EBF2: variants seen among roughly 807,000 people sequenced by gnomAD.
EBF2 encodes the protein transcription factor COE2.
EBF2 carries 21 observed loss-of-function variants against 72.8 expected under a neutral mutation model. That is an observed-to-expected ratio of 0.29 (90% CI 0.20 to 0.42). The LOEUF (loss-of-function observed/expected upper bound fraction) is 0.42. Among genes scored for constraint, EBF2 ranks in the 10% least tolerant of loss-of-function variants. The pLI is 1.00. For missense variants in EBF2, 637 were observed against 731.2 expected, an observed-to-expected ratio of 0.87 and a Z score of 1.49; for synonymous variants, 299 against 274.2, an observed-to-expected ratio of 1.09 and a Z score of -0.89.
intron 6 of EBF2, among the ~76,000 whole-genome samples, chr8:25,952,667 C>T (rs1416116073): frequency 6.6e-6 from 1 of 152,176 alleles, no homozygotes; most frequent in East Asian, 1.9e-4. Flanking sequence ...AGATATCCTC[C>T]CCAATCAGCC....
At chr8:26,028,413 T>C (rs1585233445) in intron 6 of EBF2, among the ~76,000 whole-genome samples, 1 of 152,354 alleles carries the variant, frequency 6.6e-6, no homozygotes, top group East Asian at 1.9e-4. Context: ...ATTTATTTAC[T>C]AGAAAATACC....
At chr8:25,985,812 C>T (rs1488765169) in intron 6 of EBF2, among the ~76,000 whole-genome samples, 6 of 151,746 alleles carry the variant, frequency 4.0e-5, no homozygotes, top group South Asian at 2.1e-4. Context: ...CCAGCCTTGA[C>T]AACACAGAGA....
chr8:25,916,417 G>A (rs1415481922), intron 6 of EBF2, among the ~76,000 whole-genome samples: 1 of 152,020 alleles, frequency 6.6e-6, no homozygotes, highest in African/African-American at 2.4e-5. Context: ...TACAAAGTAA[G>A]TCTGCTTCTT....
intron 6 of EBF2, among the ~76,000 whole-genome samples, chr8:25,929,745 G>T (rs1449467251): frequency 2.6e-5 from 4 of 152,260 alleles, no homozygotes; most frequent in African/African-American, 9.6e-5. Flanking sequence ...TCCTGGTTGA[G>T]TCTTCACAGT....
At chr8:25,907,764 C>T (rs1264590834) in intron 7 of EBF2, among the ~76,000 whole-genome samples, 2 of 152,190 alleles carry the variant, frequency 1.3e-5, no homozygotes, top group African/African-American at 4.8e-5. Flanking sequence ...GGAGGTGCCA[C>T]ATCTAGAACG....
chr8:25,860,068 C>CTCT (rs1802184905), intron 13 of EBF2, among the ~76,000 whole-genome samples: 1 of 152,008 alleles, frequency 6.6e-6, no homozygotes, highest in African/African-American at 2.4e-5. Flanking sequence ...ATGAGGAATT[C>CTCT]TCTTCCAACA....
intron 10 of EBF2, among the ~76,000 whole-genome samples, chr8:25,865,013 G>A (rs1171924372): frequency 6.6e-6 from 1 of 151,972 alleles, no homozygotes. Context: ...ATGTTGATCA[G>A]GTTGGTCCCG....
intron 6 of EBF2, among the ~76,000 whole-genome samples, chr8:25,928,540 A>G (rs1216564057): frequency 6.6e-6 from 1 of 152,152 alleles, no homozygotes. Context: ...GTACCATGTG[A>G]TCAATTACTG....
At chr8:25,894,086 G>A (rs1313583090) in intron 7 of EBF2, among the ~76,000 whole-genome samples, 3 of 152,184 alleles carry the variant, frequency 2.0e-5, no homozygotes, top group African/African-American at 7.2e-5. Flanking sequence ...GTAGCTGGAA[G>A]AGCCTGCCAA....
intron 10 of EBF2, among the ~76,000 whole-genome samples, chr8:25,870,961 A>G (rs946242737): frequency 6.6e-6 from 1 of 152,148 alleles, no homozygotes; most frequent in South Asian, 2.1e-4. Flanking sequence ...ACAGAATTTC[A>G]TTTAATCAAG....
intron 5 of EBF2, among the ~76,000 whole-genome samples, chr8:26,033,561 G>A (rs1805444179): frequency 6.6e-6 from 1 of 152,106 alleles, no homozygotes; most frequent in Non-Finnish European, 1.5e-5. Context: ...AATCTGTCTT[G>A]GAGGGAAACA....
intron 6 of EBF2, among the ~76,000 whole-genome samples, chr8:25,934,224 TAC>T (rs71216403): frequency 0.14 from 18,454 of 136,382 alleles, 1,120 homozygotes; most frequent in Middle Eastern, 0.18. Context: ...TTCATGTGCA[TAC>T]ACACACACAC....
intron 6 of EBF2, among the ~76,000 whole-genome samples, chr8:25,943,502 C>T (rs1483938887): frequency 6.6e-6 from 1 of 151,840 alleles, no homozygotes; most frequent in Non-Finnish European, 1.5e-5. Context: ...AGAGCTAGAC[C>T]CTGTCTCTCA....
At chr8:26,008,377 CAGCTGGGA>C (rs1804916258) in intron 6 of EBF2, among the ~76,000 whole-genome samples, 1 of 152,156 alleles carries the variant, frequency 6.6e-6, no homozygotes, top group Non-Finnish European at 1.5e-5. Context: ...TGAGAAGCCT[CAGCTGGGA>C]AGGACCTGGT....
At chr8:26,019,267 C>T (rs1185761985) in intron 6 of EBF2, among the ~76,000 whole-genome samples, 1 of 150,914 alleles carries the variant, frequency 6.6e-6, no homozygotes, top group Non-Finnish European at 1.5e-5. Flanking sequence ...TAATTTTGCT[C>T]AGCTGGTTCC....
At chr8:25,940,668 T>C (rs947182481) in intron 6 of EBF2, among the ~76,000 whole-genome samples, 1 of 151,326 alleles carries the variant, frequency 6.6e-6, no homozygotes, top group Non-Finnish European at 1.5e-5. Flanking sequence ...CTTGGAGCAG[T>C]CATCTTCTTA....
At chr8:25,914,477 C>A (rs117105043) in intron 6 of EBF2, among the ~76,000 whole-genome samples, 2,288 of 152,190 alleles carry the variant, frequency 0.015, 18 homozygotes, top group Admixed American at 0.026. Flanking sequence ...TACAAAGGGC[C>A]CTGAAGCTTT....
chr8:26,002,107 G>A (rs941950544), intron 6 of EBF2, among the ~76,000 whole-genome samples: 6 of 152,158 alleles, frequency 3.9e-5, no homozygotes, highest in Non-Finnish European at 8.8e-5. Context: ...TCAGGCAAAG[G>A]AACATAAGGA....
At chr8:25,924,519 C>T (rs1319045194) in intron 6 of EBF2, among the ~76,000 whole-genome samples, 2 of 152,104 alleles carry the variant, frequency 1.3e-5, no homozygotes, top group South Asian at 2.1e-4. Context: ...AGAGGTTAAA[C>T]GAAAAGCTGA....
Sources: allele counts gnomAD v4.1 joint callset (sites outside exome capture counted in the v4.1 genomes callset), GRCh38; gene constraint gnomAD v4.1.1; transcripts MANE v1.5; gene names NCBI Gene and HGNC (gene_info 2026-07-23, HGNC 2026-07-21).